The following PBX3 variants were observed in gnomAD, a reference collection of about 807,000 sequenced individuals.
PBX3 encodes the protein pre-B-cell leukemia transcription factor 3.
PBX3 carries 14 observed loss-of-function variants against 48.5 expected under a neutral mutation model. The ratio of observed to expected loss-of-function variants is 0.29; its 90% CI spans 0.19 to 0.45. PBX3 has a LOEUF of 0.45. Ranked by LOEUF, PBX3 falls within the 20% of genes least tolerant of loss-of-function variation. The pLI is 1.00. For missense variants in PBX3, 386 were observed against 546.7 expected (o/e 0.71, Z 2.93); for synonymous variants, 210 against 200.3 (o/e 1.05, Z -0.41).
chr9:125,870,499 A>C (rs1252508163), intron 2 of PBX3, among the ~76,000 whole-genome samples: 1 of 151,830 alleles, frequency 6.6e-6, no homozygotes, highest in East Asian at 1.9e-4. Flanking sequence ...AACAAACAAA[A>C]AAACCCCATC....
intron 2 of PBX3, among the ~76,000 whole-genome samples, chr9:125,905,795 A>G (rs566448586): frequency 6.6e-6 from 1 of 152,000 alleles, no homozygotes; most frequent in Admixed American, 6.6e-5. Flanking sequence ...TGTTTTGATT[A>G]TATTTCTAAG....
intron 2 of PBX3, among the ~76,000 whole-genome samples, chr9:125,817,778 A>G (rs553965928): frequency 6.6e-6 from 1 of 152,082 alleles, no homozygotes; most frequent in Non-Finnish European, 1.5e-5. Flanking sequence ...CTGCTCTAGT[A>G]CCCACTTACC....
chr9:125,767,061 G>A (rs546020785), intron 2 of PBX3, among the ~76,000 whole-genome samples: 1 of 152,030 alleles, frequency 6.6e-6, no homozygotes, highest in African/African-American at 2.4e-5. Flanking sequence ...TGTTGCTGTC[G>A]CTCATCAGGT....
In PBX3 at chr9:125,841,687, G is replaced by C. The variant is rs116317704; in HGVS notation, c.275-73999G>C. ...TTGCTTGCAATGCCTCTAGTACATAGACCCAGCTTTTGTTCAGAATGCTGT... is the reference window on the plus strand; with the variant it reads ...TTGCTTGCAATGCCTCTAGTACATACACCCAGCTTTTGTTCAGAATGCTGT... On this transcript the variant is annotated intron_variant, in intron 2 of 8. Transcript: ENST00000373489. Among the ~76,000 whole-genome samples, 1,385 of 152,226 alleles carry C rather than the reference G, an allele frequency of 9.1e-3. 29 individuals carry two copies. Among genetic ancestry groups the C allele is most frequent in the African/African-American group, 0.031 (1,299 of 41,540 alleles).
intron 3 of PBX3, among the ~76,000 whole-genome samples, chr9:125,923,709 G>T (rs1841506506): frequency 6.6e-6 from 1 of 152,052 alleles, no homozygotes; most frequent in African/African-American, 2.4e-5. Flanking sequence ...GGGACCACAG[G>T]TGTGCATCAT....
chr9:125,781,044 C>A (rs1837291081), intron 2 of PBX3, among the ~76,000 whole-genome samples: 1 of 135,040 alleles, frequency 7.4e-6, no homozygotes, highest in African/African-American at 2.9e-5. Flanking sequence ...GACTGGGCAG[C>A]CAGGCAGAGG....
At chr9:125,806,856 A>G (rs1838139695) in intron 2 of PBX3, among the ~76,000 whole-genome samples, 1 of 152,244 alleles carries the variant, frequency 6.6e-6, no homozygotes, top group Non-Finnish European at 1.5e-5. Context: ...ATTGCTGTGC[A>G]GGAAATAATT....
At chr9:125,902,942 C>G (rs1840983881) in intron 2 of PBX3, among the ~76,000 whole-genome samples, 1 of 151,704 alleles carries the variant, frequency 6.6e-6, no homozygotes. Context: ...TATTCTTTTT[C>G]TTTCTGGTAG....
At chr9:125,834,704 T>G (rs909923701) in intron 2 of PBX3, among the ~76,000 whole-genome samples, 4 of 150,548 alleles carry the variant, frequency 2.7e-5, no homozygotes, top group Admixed American at 6.6e-5. Flanking sequence ...GACCAATTAT[T>G]TTTACTTGTT....
chr9:125,904,530 A>G (rs1461126312), intron 2 of PBX3, among the ~76,000 whole-genome samples: 2 of 151,884 alleles, frequency 1.3e-5, no homozygotes, highest in Non-Finnish European at 2.9e-5. Flanking sequence ...GCGAGCCATT[A>G]TGAAAGGTTA....
At chr9:125,819,638 A>G (rs1042128846) in intron 2 of PBX3, among the ~76,000 whole-genome samples, 1 of 152,230 alleles carries the variant, frequency 6.6e-6, no homozygotes, top group African/African-American at 2.4e-5. Context: ...AAGAGGGTTT[A>G]GATATAGATA....
chr9:125,777,738 G>A (rs1395568395), intron 2 of PBX3, among the ~76,000 whole-genome samples: 1 of 151,954 alleles, frequency 6.6e-6, no homozygotes, highest in East Asian at 1.9e-4. Flanking sequence ...AAGATTTTTT[G>A]ATTACTTTAC....
At chr9:125,964,976 C>T (rs1842501975) in intron 8 of PBX3, among the ~76,000 whole-genome samples, 1 of 152,152 alleles carries the variant, frequency 6.6e-6, no homozygotes, top group South Asian at 2.1e-4. Flanking sequence ...GCCTGCTCAC[C>T]CTCACCTCCT....
chr9:125,799,728 A>G (rs1837885561), intron 2 of PBX3, among the ~76,000 whole-genome samples: 1 of 152,234 alleles, frequency 6.6e-6, no homozygotes, highest in Admixed American at 6.5e-5. Context: ...TTTGAAAGGC[A>G]TATAAGATCC....
At chr9:125,851,812 T>C (rs545304032) in intron 2 of PBX3, among the ~76,000 whole-genome samples, 1 of 152,018 alleles carries the variant, frequency 6.6e-6, no homozygotes, top group African/African-American at 2.4e-5. Flanking sequence ...TGCTGATACA[T>C]GCTCCTTAAT....
intron 2 of PBX3, among the ~76,000 whole-genome samples, chr9:125,802,359 A>ATT (rs57805307): frequency 0.18 from 11,969 of 67,052 alleles, 2,121 homozygotes; most frequent in African/African-American, 0.34. Context: ...ACATTAGTGC[A>ATT]TTTTTTTTTT....
intron 2 of PBX3, among the ~76,000 whole-genome samples, chr9:125,783,445 G>A (rs1837376285): frequency 6.6e-6 from 1 of 151,854 alleles, no homozygotes; most frequent in African/African-American, 2.4e-5. Flanking sequence ...ACGCCACCAT[G>A]CTTGGCTAAT....
At chr9:125,799,760 A>T (rs1481035387) in intron 2 of PBX3, among the ~76,000 whole-genome samples, 1 of 152,204 alleles carries the variant, frequency 6.6e-6, no homozygotes, top group East Asian at 1.9e-4. Flanking sequence ...TAAGATAAAA[A>T]TGTCATGAGC....
At chr9:125,839,808 C>G (rs563324837) in intron 2 of PBX3, among the ~76,000 whole-genome samples, 1 of 152,262 alleles carries the variant, frequency 6.6e-6, no homozygotes, top group African/African-American at 2.4e-5. Flanking sequence ...CTTAAACATT[C>G]CAAGACTGTC....
Sources: allele counts gnomAD v4.1 joint callset (sites outside exome capture counted in the v4.1 genomes callset), GRCh38; gene constraint gnomAD v4.1.1; transcripts MANE v1.5; gene names NCBI Gene and HGNC (gene_info 2026-07-23, HGNC 2026-07-21).